The following CHST11 variants were observed in gnomAD, a reference collection of about 807,000 sequenced individuals.
CHST11 encodes C4S-1.
Under a neutral mutation model 30.4 loss-of-function variants are expected in CHST11, and 9 were observed. The observed-to-expected ratio is 0.30, with a 90% confidence interval of 0.18 to 0.52. CHST11 has a LOEUF of 0.52. CHST11 is among the 20% of genes least tolerant of loss of function. CHST11 has a pLI of 0.97. For synonymous variants in CHST11, 152 were observed against 187.8 expected, an observed-to-expected ratio of 0.81 and a Z score of 1.56; for missense variants, 348 against 460.6, an observed-to-expected ratio of 0.76 and a Z score of 2.24.
chr12:104,714,935 G>A (rs557630818), intron 2 of CHST11, among the ~76,000 whole-genome samples: 33 of 152,174 alleles, frequency 2.2e-4, no homozygotes, highest in Admixed American at 6.5e-4. Context: ...ATCCAGACCC[G>A]AAGCAAGCTG....
intron 1 of CHST11, among the ~76,000 whole-genome samples, chr12:104,481,617 T>C (rs1368685905): frequency 6.6e-6 from 1 of 152,124 alleles, no homozygotes; most frequent in Non-Finnish European, 1.5e-5. Flanking sequence ...CGATATCAGA[T>C]ATGGCAAAGA....
At chr12:104,628,546 G>A (rs963609112) in intron 2 of CHST11, among the ~76,000 whole-genome samples, 3 of 152,144 alleles carry the variant, frequency 2.0e-5, no homozygotes, top group African/African-American at 7.2e-5. Context: ...GGGTAACGTG[G>A]CGTTGAATTC....
At chr12:104,515,128 A>G (rs1565970733) in intron 1 of CHST11, among the ~76,000 whole-genome samples, 1 of 152,234 alleles carries the variant, frequency 6.6e-6, no homozygotes, top group Non-Finnish European at 1.5e-5. Context: ...TGGTTGGGAA[A>G]AAAAAATCAA....
chr12:104,610,089 G>C (rs1049022806), intron 2 of CHST11, among the ~76,000 whole-genome samples: 9 of 107,958 alleles, frequency 8.3e-5, no homozygotes, highest in African/African-American at 2.6e-4. Flanking sequence ...GTGTGTGTGT[G>C]TGTGTGTCTG....
intron 2 of CHST11, among the ~76,000 whole-genome samples, chr12:104,756,532 G>GGTGTTTGTGTGT (rs1802150747): frequency 7.0e-6 from 1 of 143,292 alleles, no homozygotes; most frequent in Non-Finnish European, 1.5e-5. Context: ...ATCCATGTGG[G>GGTGTTTGTGTGT]GTGTGTGTGT....
At chr12:104,569,843 G>A (rs1190437577) in intron 1 of CHST11, among the ~76,000 whole-genome samples, 1 of 152,176 alleles carries the variant, frequency 6.6e-6, no homozygotes, top group Non-Finnish European at 1.5e-5. Context: ...CCCTTTTGAG[G>A]TTCAGTGTAG....
At chr12:104,485,226 T>C (rs1475171265) in intron 1 of CHST11, among the ~76,000 whole-genome samples, 1 of 152,176 alleles carries the variant, frequency 6.6e-6, no homozygotes, top group Non-Finnish European at 1.5e-5. Context: ...CCTGAGGCGA[T>C]TCTGCTGCAG....
At chr12:104,564,627 G>A (rs1189647053) in intron 1 of CHST11, among the ~76,000 whole-genome samples, 1 of 152,194 alleles carries the variant, frequency 6.6e-6, no homozygotes, top group African/African-American at 2.4e-5. Context: ...ATTAAGCCTT[G>A]TTAAATCTTG....
chr12:104,575,896 G>A (rs1301622463), intron 1 of CHST11, among the ~76,000 whole-genome samples: 2 of 151,938 alleles, frequency 1.3e-5, no homozygotes, highest in Non-Finnish European at 2.9e-5. Flanking sequence ...GTAAATAAAA[G>A]GGTTAGCTTC....
intron 1 of CHST11, among the ~76,000 whole-genome samples, chr12:104,535,226 A>T (rs2038225729): frequency 6.6e-6 from 1 of 152,160 alleles, no homozygotes; most frequent in South Asian, 2.1e-4. Context: ...ATATTCTCAT[A>T]GAGATGCCCT....
intron 1 of CHST11, among the ~76,000 whole-genome samples, chr12:104,573,494 G>A (rs377572372): frequency 5.3e-5 from 8 of 151,446 alleles, no homozygotes; most frequent in Admixed American, 4.6e-4. Flanking sequence ...ACAGCATGGT[G>A]CTGGTACCAA....
At chr12:104,479,355 C>T (rs550744961) in intron 1 of CHST11, among the ~76,000 whole-genome samples, 41 of 152,116 alleles carry the variant, frequency 2.7e-4, no homozygotes, top group African/African-American at 9.6e-4. Flanking sequence ...TTCTTTTTTC[C>T]AGCAGTTTCC....
chr12:104,483,824 G>A (rs2135962613), intron 1 of CHST11, among the ~76,000 whole-genome samples: 1 of 152,286 alleles, frequency 6.6e-6, no homozygotes, highest in Non-Finnish European at 1.5e-5. Flanking sequence ...GTGAGGCCTG[G>A]GGTCGGGGAG....
intron 1 of CHST11, among the ~76,000 whole-genome samples, chr12:104,498,988 A>G (rs1922265): frequency 0.012 from 1,861 of 152,008 alleles, 40 homozygotes; most frequent in African/African-American, 0.043. Flanking sequence ...CTACCACTCT[A>G]CCTCTCCAGA....
chr12:104,669,354 G>T (rs572612582), intron 2 of CHST11, among the ~76,000 whole-genome samples: 6 of 152,196 alleles, frequency 3.9e-5, no homozygotes, highest in African/African-American at 1.2e-4. Flanking sequence ...GGTATTTATC[G>T]CTATTTGGAG....
intron 2 of CHST11, among the ~76,000 whole-genome samples, chr12:104,705,599 G>A (rs1318680463): frequency 2.6e-5 from 4 of 152,188 alleles, no homozygotes; most frequent in Non-Finnish European, 5.9e-5. Flanking sequence ...TATATAGCAA[G>A]TCCGGAAGGT....
At chr12:104,517,670 T>C (rs1356915402) in intron 1 of CHST11, among the ~76,000 whole-genome samples, 1 of 152,100 alleles carries the variant, frequency 6.6e-6, no homozygotes, top group East Asian at 1.9e-4. Context: ...CTCACCCTAC[T>C]TCAGAGGCTG....
At position 104,653,358 on chromosome 12, in the gene CHST11, T is replaced by A. The variant is rs1592818765; in HGVS notation, c.204+51367T>A. On this transcript the variant is annotated intron_variant, in intron 2 of 2. Transcript: ENST00000303694. ...TAAGGTTGAATGATATTCCACTGGA[T>A]ATATGTACTGCGTTTTCTTTCTCCA... Among the ~76,000 whole-genome samples, 4 of 152,202 alleles carry A rather than the reference T, an allele frequency of 2.6e-5. No individual in the cohort carries two copies. The East Asian group carries it at 7.7e-4, about 29-fold the overall frequency.
At chr12:104,525,110 T>C (rs538251366) in intron 1 of CHST11, among the ~76,000 whole-genome samples, 57 of 150,512 alleles carry the variant, frequency 3.8e-4, no homozygotes, top group African/African-American at 1.2e-3. Flanking sequence ...TTCTTTCTTT[T>C]TTTTTTTTTT....
Sources: allele counts gnomAD v4.1 joint callset (sites outside exome capture counted in the v4.1 genomes callset), GRCh38; gene constraint gnomAD v4.1.1; transcripts MANE v1.5; gene names NCBI Gene and HGNC (gene_info 2026-07-23, HGNC 2026-07-21).